The following GORASP2 variants were observed in gnomAD, a reference collection of about 807,000 sequenced individuals.
GORASP2 encodes the protein golgi reassembly stacking protein 2.
In GORASP2, 22 loss-of-function variants were observed where a neutral mutation model predicts 45.7. The ratio of observed to expected loss-of-function variants is 0.48; its 90% CI spans 0.34 to 0.69. The LOEUF is 0.69. Among genes scored for constraint, GORASP2 ranks in the 30% least tolerant of loss-of-function variants. The probability of loss-of-function intolerance (pLI) is 0.01; values close to 1 mark genes in which losing one functional copy is unlikely to be tolerated. For synonymous variants in GORASP2, 221 were observed against 215.6 expected (o/e 1.02, Z -0.22); for missense variants, 491 against 562.7 (o/e 0.87, Z 1.29).
chr2:170,939,907 G>T (rs1170095386), intron 1 of GORASP2, among the ~76,000 whole-genome samples: 2 of 152,166 alleles, frequency 1.3e-5, no homozygotes, highest in Admixed American at 1.3e-4. Flanking sequence ...GTTTATAGTT[G>T]AGGTGGGTCA....
intron 6 of GORASP2, among the ~76,000 whole-genome samples, chr2:170,956,170 G>A (rs1704423450): frequency 6.6e-6 from 1 of 152,200 alleles, no homozygotes. Context: ...TAGTGTGGAA[G>A]TATGAAGAAC....
At chr2:170,961,489 A>G (rs1223922182) in intron 7 of GORASP2, among the ~76,000 whole-genome samples, 174 bp from the exon 8 acceptor site, 1 of 152,220 alleles carries the variant, frequency 6.6e-6, no homozygotes, top group Non-Finnish European at 1.5e-5. Flanking sequence ...AGCTGTGGGC[A>G]GAGTCAGTGA....
intron 1 of GORASP2, among the ~76,000 whole-genome samples, chr2:170,948,147 A>G (rs1274286524): frequency 6.6e-6 from 1 of 152,102 alleles, no homozygotes; most frequent in Non-Finnish European, 1.5e-5. Flanking sequence ...AAAAATATAA[A>G]TAGAAGATTA....
chr2:170,929,240 AGTGCCAC>A, upstream of GORASP2: 1 of 899,672 alleles, frequency 1.1e-6, no homozygotes, highest in Admixed American at 4.3e-5. Context: ...GGCGGCAGCG[AGTGCCAC>A]GTCCCAAGTG....
intron 9 of GORASP2, among the ~76,000 whole-genome samples, chr2:170,964,882 A>G (rs901440311): frequency 8.3e-6 from 1 of 120,000 alleles, no homozygotes; most frequent in Non-Finnish European, 1.7e-5. Flanking sequence ...TTTCCTTCAT[A>G]TGCATTTTAA....
intron 1 of GORASP2, chr2:170,936,855 C>A: frequency 3.8e-6 from 1 of 265,452 alleles, no homozygotes; most frequent in Non-Finnish European, 8.0e-6. Flanking sequence ...CACCACTGCA[C>A]TCCAGCCTGG....
chr2:170,938,225 T>C (rs1703998880), intron 1 of GORASP2, among the ~76,000 whole-genome samples: 2 of 152,262 alleles, frequency 1.3e-5, no homozygotes, highest in Admixed American at 1.3e-4. Flanking sequence ...CTGATGCCTT[T>C]ATTACTAGCA....
intron 1 of GORASP2, among the ~76,000 whole-genome samples, chr2:170,931,144 A>C (rs1233421567): frequency 6.6e-6 from 1 of 152,172 alleles, no homozygotes; most frequent in African/African-American, 2.4e-5. Context: ...TTATTAATCT[A>C]TACATCTGAT....
In GORASP2 at chr2:170,960,419, G is replaced by A. The variant is rs112257845; in HGVS notation, c.824-1244G>A. ...CCCTGAAGCCCACTTGTGGGCCCTA[G>A]ATTTAGAATTCCTGTCTTAGATTGA... is the stretch of plus-strand genomic sequence containing the variant. On this transcript the variant is annotated intron_variant, in intron 7 of 9. Coordinates refer to ENST00000234160, the MANE Select transcript of GORASP2 (RefSeq NM_015530.5). Among the ~76,000 whole-genome samples the A allele has an allele frequency of 4.5e-4, 69 of 152,316 alleles. 1 individual carries two copies. Among genetic ancestry groups the A allele is most frequent in the African/African-American group, 1.6e-3 (66 of 41,558 alleles).
Position 170,956,455 on chromosome 2 carries a change from A to AGGTCCAGCTG in GORASP2, c.719_720insGGTCCAGCTG (p.Asn240LysfsTer17). ...TGGAAGGTCCAGCTGTCCTCAGTTA[A>AGGTCCAGCTG]TCCCCCGTCTTTGTCACCACCAGGA... On this transcript the variant is annotated frameshift_variant, in exon 7 of 10. Coordinates refer to ENST00000234160, the MANE Select transcript of GORASP2 (RefSeq NM_015530.5). LOFTEE classifies it high-confidence loss of function. 2 of 1,612,742 alleles carry AGGTCCAGCTG rather than the reference A, an allele frequency of 1.2e-6. No homozygotes were observed. The highest frequency in any genetic ancestry group is 1.7e-6 in the Non-Finnish European group (2 of 1,179,582).
At chr2:170,956,821 G>C (rs954887817) in intron 7 of GORASP2, among the ~76,000 whole-genome samples, 18 of 152,122 alleles carry the variant, frequency 1.2e-4, no homozygotes, top group African/African-American at 4.1e-4. Context: ...GCCTGAGATG[G>C]GAGGATTGCT....
intron 3 of GORASP2, 138 bp downstream of exon 3, chr2:170,949,880 G>A: frequency 1.4e-6 from 1 of 704,320 alleles, no homozygotes; most frequent in Non-Finnish European, 2.4e-6. Context: ...AGCGTTCATT[G>A]CTTTTTAAGT....
At chr2:170,959,392 C>T (rs1395812992) in intron 7 of GORASP2, among the ~76,000 whole-genome samples, 3 of 152,236 alleles carry the variant, frequency 2.0e-5, no homozygotes, top group African/African-American at 7.2e-5. Flanking sequence ...ATGCACGGAG[C>T]TCCCTGGCTT....
intron 6 of GORASP2, among the ~76,000 whole-genome samples, chr2:170,955,593 A>C (rs1426569511): frequency 1.3e-5 from 2 of 152,242 alleles, no homozygotes; most frequent in Non-Finnish European, 1.5e-5. Context: ...TTGTCTACAC[A>C]GTTTGGCCAT....
Position 170,929,585 on chromosome 2 carries a change from G to A in GORASP2, c.63+182G>A, listed in dbSNP as rs1327925751. 8.8e-6 allele frequency: 5 copies of A among 570,990 alleles called. No individual in the cohort carries two copies. The African/African-American group carries it at 1.0e-4, about 12-fold the overall frequency. The allele number at this position is 570,990 out of a possible 1,614,324, so 35.4% of individuals were successfully genotyped here. A position where few individuals can be genotyped will look rare whatever the true frequency, so the allele number is the denominator to read the frequency against. ...AGGCCGCTCGCATCCCACCTCCGCG[G>A]AGCGCCCTGGGCACGGGGTCCGCGG... is the stretch of plus-strand genomic sequence containing the variant. On this transcript the variant is annotated intron_variant, in intron 1 of 9. Coordinates refer to ENST00000234160, the MANE Select transcript of GORASP2 (RefSeq NM_015530.5).
chr2:170,952,929 G>A (rs965561691), intron 5 of GORASP2, among the ~76,000 whole-genome samples: 17 of 152,142 alleles, frequency 1.1e-4, no homozygotes, highest in African/African-American at 4.1e-4. Context: ...TCCCACCTTG[G>A]CCTCCCAAAG....
At chr2:170,947,352 G>A (rs1559311024) in intron 1 of GORASP2, among the ~76,000 whole-genome samples, 1 of 152,208 alleles carries the variant, frequency 6.6e-6, no homozygotes, top group South Asian at 2.1e-4. Context: ...CCTGCTTCGG[G>A]TGTTTACTCA....
intron 5 of GORASP2, among the ~76,000 whole-genome samples, chr2:170,951,994 A>G (rs747932212): frequency 6.6e-6 from 1 of 152,250 alleles, no homozygotes; most frequent in East Asian, 1.9e-4. Flanking sequence ...ATCATTGTCC[A>G]TTGCCCAGGT....
intron 8 of GORASP2, among the ~76,000 whole-genome samples, chr2:170,962,187 T>G (rs964857502): frequency 6.6e-6 from 1 of 152,262 alleles, no homozygotes; most frequent in African/African-American, 2.4e-5. Flanking sequence ...CTCTTCATAT[T>G]CCCAGTGAAG....
Sources: allele counts gnomAD v4.1 joint callset (sites outside exome capture counted in the v4.1 genomes callset), GRCh38; gene constraint gnomAD v4.1.1; transcripts MANE v1.5; gene names NCBI Gene and HGNC (gene_info 2026-07-23, HGNC 2026-07-21).